TARP: variants seen among roughly 807,000 people sequenced by gnomAD.
chr7:38,273,474 T>C, the TARP span: 1 of 892,056 alleles, frequency 1.1e-6, no homozygotes, highest in Non-Finnish European at 1.8e-6. Context: ...CTGACCTCTC[T>C]GGAGATTTCA....
the TARP span, among the ~76,000 whole-genome samples, chr7:38,264,963 C>T: frequency 6.6e-6 from 1 of 151,400 alleles, no homozygotes; most frequent in South Asian, 2.1e-4. Flanking sequence ...TCCTGAAAGA[C>T]ATATATATGT....
chr7:38,266,130 A>C, the TARP span, among the ~76,000 whole-genome samples: 5 of 150,546 alleles, frequency 3.3e-5, no homozygotes, highest in African/African-American at 1.2e-4. Context: ...TACAGATGAG[A>C]CTCTTTGGTC....
chr7:38,261,129 A>T, the TARP span, among the ~76,000 whole-genome samples: 8 of 151,836 alleles, frequency 5.3e-5, no homozygotes, highest in African/African-American at 1.5e-4. Flanking sequence ...CTTACACCTA[A>T]TCATTAAAAG....
the TARP span, among the ~76,000 whole-genome samples, chr7:38,262,447 T>C: frequency 3.3e-5 from 5 of 151,680 alleles, no homozygotes; most frequent in African/African-American, 1.2e-4. Context: ...TTTTTTCTTT[T>C]TTATCACAAC....
the TARP span, chr7:38,265,395 A>G: frequency 1.9e-6 from 3 of 1,611,998 alleles, no homozygotes; most frequent in Middle Eastern, 1.6e-4. Flanking sequence ...CTCCGTTTTT[A>G]TTATTCTCAT....
the TARP span, chr7:38,273,500 A>G: frequency 9.1e-7 from 1 of 1,096,268 alleles, no homozygotes; most frequent in Non-Finnish European, 1.4e-6. Flanking sequence ...ATTAGTGACC[A>G]AGGAGGGAAT....
the TARP span, chr7:38,262,174 T>A: frequency 1.9e-6 from 3 of 1,611,586 alleles, no homozygotes; most frequent in South Asian, 3.3e-5. Flanking sequence ...AGCTTACCAT[T>A]TGCATCTTTT....
At chr7:38,261,751 A>T in the TARP span, among the ~76,000 whole-genome samples, 2 of 150,876 alleles carry the variant, frequency 1.3e-5, no homozygotes, top group African/African-American at 4.9e-5. Flanking sequence ...ACGCGCCTGT[A>T]GTCCCAGCTA....
At chr7:38,268,086 C>T in the TARP span, among the ~76,000 whole-genome samples, 1 of 151,138 alleles carries the variant, frequency 6.6e-6, no homozygotes, top group Non-Finnish European at 1.5e-5. Context: ...TGTGGATCAT[C>T]CTCTCACATG....
the TARP span, among the ~76,000 whole-genome samples, chr7:38,267,864 T>C: frequency 4.6e-5 from 7 of 151,566 alleles, 1 homozygote; most frequent in Admixed American, 4.0e-4. Flanking sequence ...TAATTCATTG[T>C]ACTAAAGAAA....
At chr7:38,261,033 G>T in the TARP span, among the ~76,000 whole-genome samples, 6 of 151,848 alleles carry the variant, frequency 4.0e-5, no homozygotes, top group Non-Finnish European at 5.9e-5. Context: ...TCACATTCAT[G>T]CCTTTATCTC....
the TARP span, among the ~76,000 whole-genome samples, chr7:38,262,848 A>G: frequency 6.6e-6 from 1 of 151,364 alleles, no homozygotes; most frequent in Non-Finnish European, 1.5e-5. Flanking sequence ...TTGTAGAGAC[A>G]GGGTTTCGCC....
chr7:38,262,222 G>A, the TARP span: 1 of 1,607,760 alleles, frequency 6.2e-7, no homozygotes, highest in Non-Finnish European at 8.5e-7. Context: ...ATGACATCTA[G>A]AAGAATGAGA....
chr7:38,261,199 C>G, the TARP span, among the ~76,000 whole-genome samples: 12 of 151,516 alleles, frequency 7.9e-5, no homozygotes, highest in African/African-American at 2.7e-4. Context: ...ACATGATGTC[C>G]GTTTTGTTTC....
At chr7:38,270,386 C>A in the TARP span, among the ~76,000 whole-genome samples, 1 of 151,494 alleles carries the variant, frequency 6.6e-6, no homozygotes, top group African/African-American at 2.4e-5. Flanking sequence ...TTTCACACGC[C>A]CAATCTTTAA....
At chr7:38,267,079 G>A in the TARP span, among the ~76,000 whole-genome samples, 1 of 151,658 alleles carries the variant, frequency 6.6e-6, no homozygotes, top group Non-Finnish European at 1.5e-5. Flanking sequence ...CCATTAATGA[G>A]AAGGTCTGTG....
the TARP span, among the ~76,000 whole-genome samples, chr7:38,273,385 A>G: frequency 6.6e-6 from 1 of 151,244 alleles, no homozygotes; most frequent in Non-Finnish European, 1.5e-5. Context: ...AGAGATTTGC[A>G]GTTGGTCTAA....
At chr7:38,261,257 A>C in the TARP span, among the ~76,000 whole-genome samples, 1 of 151,746 alleles carries the variant, frequency 6.6e-6, no homozygotes, top group East Asian at 1.9e-4. Flanking sequence ...ATTGTAGAAA[A>C]AGAACAGAAA....
At chr7:38,268,266 A>G in the TARP span, among the ~76,000 whole-genome samples, 1 of 151,632 alleles carries the variant, frequency 6.6e-6, no homozygotes, top group African/African-American at 2.4e-5. Context: ...TTGCAAAATC[A>G]AATAGTATAT....
Sources: gnomAD v4.1 joint callset for allele counts (sites outside exome capture counted in the v4.1 genomes callset) on GRCh38, gnomAD v4.1.1 for gene constraint, MANE v1.5 for transcripts.